Variants in SHANK2 observed in about 807,000 individuals in gnomAD.
SHANK2 encodes the protein SH3 and multiple ankyrin repeat domains protein 2.
A neutral mutation model predicts 133.7 loss-of-function variants in SHANK2; 43 were observed. That is an observed-to-expected ratio of 0.32 (90% CI 0.25 to 0.41). The LOEUF (loss-of-function observed/expected upper bound fraction) is 0.41. Ranked by LOEUF, SHANK2 falls within the 10% of genes least tolerant of loss-of-function variation. The pLI is 1.00. For missense variants in SHANK2, 1,994 were observed against 2,235.8 expected, an observed-to-expected ratio of 0.89 and a Z score of 2.18; for synonymous variants, 1,017 against 952.8, an observed-to-expected ratio of 1.07 and a Z score of -1.24.
At chr11:70,935,847 T>C (rs1290645324) in intron 10 of SHANK2, among the ~76,000 whole-genome samples, 4 of 152,204 alleles carry the variant, frequency 2.6e-5, no homozygotes, top group Non-Finnish European at 5.9e-5. Flanking sequence ...TTCCTCGTCA[T>C]GTGAGCGGGC....
At chr11:71,216,495 ACTTCTAATGGTAC>A (rs1954417217) in intron 2 of SHANK2, among the ~76,000 whole-genome samples, 1 of 152,114 alleles carries the variant, frequency 6.6e-6, no homozygotes, top group Non-Finnish European at 1.5e-5. Context: ...GGAGGGAGTG[ACTTCTAATGGTAC>A]AGGTTTTGGG....
At chr11:71,189,816 C>T (rs1278960755) in intron 2 of SHANK2, among the ~76,000 whole-genome samples, 1 of 152,232 alleles carries the variant, frequency 6.6e-6, no homozygotes, top group Non-Finnish European at 1.5e-5. Context: ...TGCTGCTGCC[C>T]TTGGGGGTGA....
chr11:70,921,901 T>C (rs1212621574), intron 10 of SHANK2, among the ~76,000 whole-genome samples: 1 of 152,126 alleles, frequency 6.6e-6, no homozygotes, highest in Non-Finnish European at 1.5e-5. Flanking sequence ...TACTAGTCAT[T>C]CCCACAGACA....
intron 11 of SHANK2, among the ~76,000 whole-genome samples, chr11:70,866,569 T>C (rs1032351660): frequency 1.3e-5 from 2 of 152,162 alleles, no homozygotes; most frequent in Admixed American, 6.5e-5. Flanking sequence ...TCAGTAACTC[T>C]AGCACCAAGG....
intron 17 of SHANK2, among the ~76,000 whole-genome samples, chr11:70,587,709 T>TTG (rs1361864995): frequency 6.7e-6 from 1 of 150,190 alleles, no homozygotes; most frequent in Non-Finnish European, 1.5e-5. Flanking sequence ...TTTTTTTTTT[T>TTG]TTTTTTTTTT....
At chr11:70,666,461 C>G (rs115972640) in intron 15 of SHANK2, among the ~76,000 whole-genome samples, 15 of 152,284 alleles carry the variant, frequency 9.9e-5, no homozygotes, top group African/African-American at 3.1e-4. Context: ...GCTCCTTCTG[C>G]TGGTTCATGA....
chr11:70,662,010 C>T, intron 15 of SHANK2: 3 of 574,108 alleles, frequency 5.2e-6, no homozygotes, highest in East Asian at 3.1e-5. Flanking sequence ...CAGGACGCCG[C>T]CCAGGGCAAA....
At chr11:70,717,639 C>A (rs535433271) in intron 14 of SHANK2, among the ~76,000 whole-genome samples, 7 of 152,132 alleles carry the variant, frequency 4.6e-5, no homozygotes, top group African/African-American at 1.7e-4. Context: ...ACAAAGGCTC[C>A]GCACACCAGC....
intron 11 of SHANK2, among the ~76,000 whole-genome samples, chr11:70,881,693 C>T (rs76658963): frequency 0.039 from 5,791 of 150,270 alleles, 187 homozygotes; most frequent in East Asian, 0.11. Flanking sequence ...TTCTAGAATT[C>T]CAGAGCTCTT....
chr11:71,186,420 G>C lies in SHANK2; in HGVS notation c.-13+38277C>G, dbSNP rs114419829. 6.3e-3 allele frequency among the ~76,000 whole-genome samples: 952 copies of C among 152,290 alleles called. 9 individuals carry two copies. The highest frequency in any genetic ancestry group is 0.022 in the African/African-American group (903 of 41,558). On this transcript the variant is annotated intron_variant, in intron 2 of 25. Coordinates refer to ENST00000601538, the MANE Select transcript of SHANK2 (RefSeq NM_012309.5). ...GCCTTAAGGTCTATCAGTCATCCAGGAGTCCATGTTGGAGACACTGACAAC... is the reference window on the plus strand; with the variant it reads ...GCCTTAAGGTCTATCAGTCATCCAGCAGTCCATGTTGGAGACACTGACAAC...
chr11:70,810,082 C>T (rs1555052877), intron 12 of SHANK2, among the ~76,000 whole-genome samples: 1 of 152,214 alleles, frequency 6.6e-6, no homozygotes, highest in Non-Finnish European at 1.5e-5. Flanking sequence ...TATCCCCAAA[C>T]ACCCCAGGAG....
chr11:71,125,456 C>T (rs1380957758), intron 3 of SHANK2, among the ~76,000 whole-genome samples: 5 of 152,216 alleles, frequency 3.3e-5, no homozygotes, highest in African/African-American at 1.2e-4. Context: ...CTTTGATGAT[C>T]AAGACGGTCA....
rs1555051292 is a variant in SHANK2, at chr11:70,804,051, G to T, written c.1663+2951C>A. Among the ~76,000 whole-genome samples, 2 of 151,996 alleles carry T rather than the reference G, an allele frequency of 1.3e-5. No homozygotes were observed. Among genetic ancestry groups the T allele is most frequent in the Non-Finnish European group, 2.9e-5 (2 of 67,972 alleles). On this transcript the variant is annotated intron_variant, in intron 13 of 25. Coordinates refer to ENST00000601538, the MANE Select transcript of SHANK2 (RefSeq NM_012309.5). The surrounding 1 kb of genome is among the most constrained non-coding windows in gnomAD (Gnocchi z 4.1). ...AGCAGGACCCCAGGGCCACCCTGGGGCCCGTCACAGCCACCCTGCCTGCCT... is the reference window on the plus strand; with the variant it reads ...AGCAGGACCCCAGGGCCACCCTGGGTCCCGTCACAGCCACCCTGCCTGCCT...
At chr11:70,612,615 G>A (rs1396484473) in intron 17 of SHANK2, among the ~76,000 whole-genome samples, 1 of 152,136 alleles carries the variant, frequency 6.6e-6, no homozygotes, top group African/African-American at 2.4e-5. Context: ...AATGCAAAAC[G>A]CTCAACGCTC....
chr11:70,738,649 C>T (rs868938244), intron 14 of SHANK2, among the ~76,000 whole-genome samples: 3 of 152,228 alleles, frequency 2.0e-5, no homozygotes, highest in South Asian at 2.1e-4. Flanking sequence ...CTGGACCCCT[C>T]GTCCTGTCTT....
chr11:70,891,187 C>G (rs978390586), intron 11 of SHANK2, among the ~76,000 whole-genome samples: 4 of 152,184 alleles, frequency 2.6e-5, no homozygotes, highest in Non-Finnish European at 5.9e-5. Context: ...TCGTCCTGCT[C>G]AGTTGGTGGC....
chr11:71,137,375 G>A (rs1555104969), intron 3 of SHANK2, among the ~76,000 whole-genome samples: 1 of 150,866 alleles, frequency 6.6e-6, no homozygotes, highest in Non-Finnish European at 1.5e-5. Context: ...GAGGTTCCTA[G>A]AGAAAGTTAC....
At chr11:70,502,316 A>AC (rs1555158894) in intron 18 of SHANK2, 30 bp from the exon 19 acceptor site, 2 of 1,540,532 alleles carry the variant, frequency 1.3e-6, no homozygotes, top group Admixed American at 3.9e-5. Context: ...TGGGTGTGAG[A>AC]CCCCAGCCCA....
rs556069921 is a variant in SHANK2 at position 70,633,059 on chromosome 11, A to G, written c.2061+26769T>C. On this transcript the variant is annotated intron_variant, in intron 17 of 25. Coordinates refer to ENST00000601538, the MANE Select transcript of SHANK2 (RefSeq NM_012309.5). ...GCATGAGGGGGCTGCCACTGGGCAC[A>G]GATGGGCAACCTGGGCACCATGCAG... 9.2e-5 allele frequency among the ~76,000 whole-genome samples: 14 copies of G among 152,188 alleles called. No individual in the cohort carries two copies. The East Asian group carries it at 2.7e-3, about 29-fold the overall frequency.
Sources: allele counts gnomAD v4.1 joint callset (sites outside exome capture counted in the v4.1 genomes callset), GRCh38; gene constraint gnomAD v4.1.1; non-coding constraint Gnocchi (gnomAD v3.1); transcripts MANE v1.5; gene names NCBI Gene and HGNC (gene_info 2026-07-23, HGNC 2026-07-21).